DNAH11: variants seen among roughly 807,000 people sequenced by gnomAD.
The protein encoded by DNAH11 is dynein axonemal heavy chain 11.
DNAH11 carries 442 observed loss-of-function variants against 526.0 expected under a neutral mutation model. That is an observed-to-expected ratio of 0.84 (90% CI 0.78 to 0.91). DNAH11 has a LOEUF of 0.91. Among genes scored for constraint, DNAH11 ranks in the 40% least tolerant of loss-of-function variants. The probability of loss-of-function intolerance (pLI) is 0.00; values close to 1 mark genes in which losing one functional copy is unlikely to be tolerated. For synonymous variants in DNAH11, 2,461 were observed against 1,935.9 expected (o/e 1.27, Z -7.12); for missense variants, 6,989 against 5,448.7 (o/e 1.28, Z -8.90).
At chr7:21,643,178 T>A (rs1787199213) in intron 28 of DNAH11, among the ~76,000 whole-genome samples, 2 of 152,120 alleles carry the variant, frequency 1.3e-5, no homozygotes, top group Admixed American at 1.3e-4. Flanking sequence ...TTCTTTGGTA[T>A]TTTTTTCCCC....
chr7:21,662,699 C>G (rs937558905), intron 30 of DNAH11, among the ~76,000 whole-genome samples: 13 of 152,058 alleles, frequency 8.5e-5, no homozygotes, highest in African/African-American at 2.9e-4. Flanking sequence ...CAATAGACCT[C>G]TTGAACTTAT....
chr7:21,779,350 A>C (rs1352422302), intron 57 of DNAH11, among the ~76,000 whole-genome samples: 2 of 152,222 alleles, frequency 1.3e-5, no homozygotes, highest in Non-Finnish European at 2.9e-5. Context: ...TCATTCAAGC[A>C]TATAATGGAT....
chr7:21,901,760 C>CA lies in DNAH11; in HGVS notation c.*507dup, dbSNP rs963298926. ...AGAGGCTAGCACTCTGTAAGGCCTC[C>CA]AGTGTCCAGTGTCTACAATGTTGAT... is the stretch of plus-strand genomic sequence containing the variant. On this transcript the variant is annotated 3_prime_UTR_variant, in exon 82 of 82. Transcript: ENST00000409508. The CA allele has an allele frequency of 7.1e-4, 11 of 15,422 alleles. No individual in the cohort carries two copies. Among genetic ancestry groups the CA allele is most frequent in the African/African-American group, 8.6e-4 (11 of 12,808 alleles). The allele number at this position is 15,422 out of a possible 1,614,324, so 1.0% of individuals were successfully genotyped here. A position where few individuals can be genotyped will look rare whatever the true frequency, so the allele number is the denominator to read the frequency against.
chr7:21,757,299 G>A (rs912763031), intron 54 of DNAH11, among the ~76,000 whole-genome samples: 3 of 152,092 alleles, frequency 2.0e-5, no homozygotes, highest in Non-Finnish European at 4.4e-5. Context: ...TTATGCAATG[G>A]GAATGCCATT....
At chr7:21,726,823 T>TG (rs199560365) in intron 45 of DNAH11, among the ~76,000 whole-genome samples, 20,352 of 94,974 alleles carry the variant, frequency 0.21, 2,519 homozygotes, top group Middle Eastern at 0.36. Flanking sequence ...ATCGCGCCAC[T>TG]GCACTCCAGC....
intron 45 of DNAH11, among the ~76,000 whole-genome samples, chr7:21,727,026 G>A (rs534212982): frequency 1.0e-4 from 13 of 125,808 alleles, no homozygotes; most frequent in Middle Eastern, 5.7e-3. Context: ...ATCCACCTCC[G>A]GGGTTCAAGT....
chr7:21,550,392 C>T (rs1358657734), intron 2 of DNAH11, among the ~76,000 whole-genome samples: 2 of 152,064 alleles, frequency 1.3e-5, no homozygotes, highest in African/African-American at 4.8e-5. Context: ...AGTATATGGC[C>T]AGTATATAAT....
chr7:21,669,979 T>C (rs1235460633), intron 30 of DNAH11, among the ~76,000 whole-genome samples: 1 of 152,194 alleles, frequency 6.6e-6, no homozygotes. Flanking sequence ...CTTCCAACTT[T>C]GTTCATTATT....
chr7:21,875,309 A>C (rs1429120796), intron 74 of DNAH11, among the ~76,000 whole-genome samples: 1 of 152,210 alleles, frequency 6.6e-6, no homozygotes, highest in Non-Finnish European at 1.5e-5. Context: ...TGATTTATTT[A>C]AATAGGACTT....
chr7:21,754,077 T>C (rs1786524478), intron 54 of DNAH11, among the ~76,000 whole-genome samples: 2 of 152,178 alleles, frequency 1.3e-5, no homozygotes, highest in African/African-American at 4.8e-5. Flanking sequence ...GGTAAAGATA[T>C]TTTGTCTCTC....
chr7:21,801,379 A>G (rs143929746), intron 62 of DNAH11, 104 bp downstream of exon 62: 26 of 1,437,212 alleles, frequency 1.8e-5, no homozygotes, highest in African/African-American at 8.5e-5. Flanking sequence ...GGAATTAACA[A>G]CAAAGGATAA....
chr7:21,787,014 A>T (rs1264769788), intron 59 of DNAH11, among the ~76,000 whole-genome samples: 3 of 152,234 alleles, frequency 2.0e-5, no homozygotes, highest in Non-Finnish European at 2.9e-5. Context: ...TATTTGCAAA[A>T]TTATGAAAGC....
Position 21,827,399 on chromosome 7 carries a change from A to G in DNAH11, c.10691+9060A>G, listed in dbSNP as rs1415496392. ...CATAAAATTCTCTTTAATCTTTCAAATACCCCTAAATATTTTTGAATTTTT... is the reference window on the plus strand; with the variant it reads ...CATAAAATTCTCTTTAATCTTTCAAGTACCCCTAAATATTTTTGAATTTTT... On this transcript the variant is annotated intron_variant, in intron 65 of 81. Transcript: ENST00000409508. Among the ~76,000 whole-genome samples, 3 of 151,942 alleles carry G rather than the reference A, an allele frequency of 2.0e-5. No individual in the cohort carries two copies. The East Asian group carries it at 5.8e-4, about 29-fold the overall frequency.
intron 30 of DNAH11, among the ~76,000 whole-genome samples, chr7:21,677,959 T>A (rs2128471323): frequency 6.6e-6 from 1 of 152,348 alleles, no homozygotes. Flanking sequence ...CCTTATATAT[T>A]TTAGATATTA....
chr7:21,895,077 A>G (rs1583821034), intron 79 of DNAH11, 78 bp downstream of exon 79: 1 of 1,164,002 alleles, frequency 8.6e-7, no homozygotes, highest in East Asian at 2.4e-5. Context: ...ATGCTTCCTA[A>G]GAACTATGCA....
intron 53 of DNAH11, 123 bp downstream of exon 53, chr7:21,749,924 A>C: frequency 7.0e-7 from 1 of 1,426,158 alleles, no homozygotes. Flanking sequence ...TTGGGGAGAA[A>C]CCTATAAACC....
chr7:21,556,298 T>G (rs1783216304), intron 2 of DNAH11, among the ~76,000 whole-genome samples: 1 of 152,152 alleles, frequency 6.6e-6, no homozygotes, highest in Non-Finnish European at 1.5e-5. Flanking sequence ...TGGCTGCCAG[T>G]ATTTAGATTT....
intron 72 of DNAH11, 57 bp downstream of exon 72, chr7:21,868,064 C>A: frequency 7.3e-7 from 1 of 1,362,558 alleles, no homozygotes; most frequent in Non-Finnish European, 9.6e-7. Flanking sequence ...CTTTCACCCC[C>A]ACCCCTGCCC....
chr7:21,604,607 C>T (rs939945342), intron 18 of DNAH11, among the ~76,000 whole-genome samples: 3 of 152,302 alleles, frequency 2.0e-5, no homozygotes, highest in East Asian at 3.9e-4. Context: ...GTTTCAGTGT[C>T]ACCTCCTCCT....
Sources: allele counts gnomAD v4.1 joint callset (sites outside exome capture counted in the v4.1 genomes callset), GRCh38; gene constraint gnomAD v4.1.1; transcripts MANE v1.5; gene names NCBI Gene and HGNC (gene_info 2026-07-23, HGNC 2026-07-21).